The following KCNAB1 variants were observed in gnomAD, a reference collection of about 807,000 sequenced individuals.
KCNAB1 encodes the protein voltage-gated potassium channel subunit beta-1.
Under a neutral mutation model 64.6 loss-of-function variants are expected in KCNAB1, and 35 were observed. The observed-to-expected ratio is 0.54, with a 90% confidence interval of 0.41 to 0.72. The LOEUF is 0.72. KCNAB1 is among the 30% of genes least tolerant of loss of function. The pLI is 0.00. For missense variants in KCNAB1, 401 were observed against 512.9 expected (o/e 0.78, Z 2.11); for synonymous variants, 177 against 183.8 (o/e 0.96, Z 0.30).
At chr3:156,474,921 C>A in intron 8 of KCNAB1, 101 bp downstream of exon 8, 1 of 952,478 alleles carries the variant, frequency 1.0e-6, no homozygotes. Context: ...ACTGATCAAA[C>A]TGAATGTGAA....
intron 3 of KCNAB1, among the ~76,000 whole-genome samples, chr3:156,456,601 G>T (rs1480100657): frequency 6.6e-6 from 1 of 152,104 alleles, no homozygotes; most frequent in Non-Finnish European, 1.5e-5. Flanking sequence ...AGTTTATTTT[G>T]GAAATGCGGA....
At chr3:156,226,303 A>C (rs1432793222) in intron 1 of KCNAB1, among the ~76,000 whole-genome samples, 1 of 152,136 alleles carries the variant, frequency 6.6e-6, no homozygotes, top group Non-Finnish European at 1.5e-5. Context: ...TAAAAACATA[A>C]AGTGGAGAAA....
chr3:156,217,779 C>G (rs1333065294), intron 1 of KCNAB1, among the ~76,000 whole-genome samples: 1 of 152,130 alleles, frequency 6.6e-6, no homozygotes, highest in Non-Finnish European at 1.5e-5. Flanking sequence ...TCATAATGTC[C>G]CATTTACAAC....
At chr3:156,386,828 A>G (rs1712631188) in intron 1 of KCNAB1, among the ~76,000 whole-genome samples, 1 of 152,148 alleles carries the variant, frequency 6.6e-6, no homozygotes, top group African/African-American at 2.4e-5. Flanking sequence ...GTGACCACCA[A>G]CAGTCTTGGA....
intron 1 of KCNAB1, among the ~76,000 whole-genome samples, chr3:156,144,745 C>T (rs746141102): frequency 1.3e-5 from 2 of 152,174 alleles, no homozygotes; most frequent in Non-Finnish European, 2.9e-5. Flanking sequence ...GACCATTTCA[C>T]TTTTAAAAAA....
chr3:156,147,633 G>T (rs1231549942), intron 1 of KCNAB1, among the ~76,000 whole-genome samples: 2 of 152,046 alleles, frequency 1.3e-5, no homozygotes, highest in Non-Finnish European at 2.9e-5. Flanking sequence ...GCCAATCAAG[G>T]ATAAAATTTT....
chr3:156,382,644 C>T (rs1473913547), intron 1 of KCNAB1, among the ~76,000 whole-genome samples: 1 of 152,124 alleles, frequency 6.6e-6, no homozygotes, highest in Non-Finnish European at 1.5e-5. Flanking sequence ...TTTTGTGGCC[C>T]CCTTGTGGTG....
At chr3:156,507,691 A>G (rs1354697008) in intron 8 of KCNAB1, among the ~76,000 whole-genome samples, 2 of 152,242 alleles carry the variant, frequency 1.3e-5, no homozygotes, top group Admixed American at 1.3e-4. Context: ...GATAAATCAC[A>G]AACAGCTGAC....
intron 5 of KCNAB1, among the ~76,000 whole-genome samples, chr3:156,462,476 A>T (rs1378312939): frequency 6.6e-6 from 1 of 152,230 alleles, no homozygotes; most frequent in Admixed American, 6.5e-5. Context: ...TAACCTGGAA[A>T]GTACATCAGC....
At chr3:156,224,926 T>G (rs1467015710) in intron 1 of KCNAB1, among the ~76,000 whole-genome samples, 1 of 152,140 alleles carries the variant, frequency 6.6e-6, no homozygotes, top group African/African-American at 2.4e-5. Context: ...AAATGGTAAT[T>G]TAACAATTGT....
chr3:156,451,370 T>C (rs890384151), intron 2 of KCNAB1, among the ~76,000 whole-genome samples: 3 of 152,340 alleles, frequency 2.0e-5, no homozygotes, highest in East Asian at 3.9e-4. Flanking sequence ...TGTATTCCTA[T>C]GGAATATGAA....
intron 1 of KCNAB1, among the ~76,000 whole-genome samples, chr3:156,405,747 A>G (rs1354224362): frequency 1.3e-5 from 2 of 152,214 alleles, no homozygotes; most frequent in Admixed American, 1.3e-4. Flanking sequence ...TACTCTTTTA[A>G]ACGTAATTTC....
chr3:156,437,611 ATAT>A (rs1488332840), intron 2 of KCNAB1, among the ~76,000 whole-genome samples: 2 of 152,102 alleles, frequency 1.3e-5, no homozygotes, highest in African/African-American at 2.4e-5. Flanking sequence ...GAGACTGCTG[ATAT>A]TATTTTTTTT....
intron 13 of KCNAB1, among the ~76,000 whole-genome samples, chr3:156,534,314 G>T (rs1718900989): frequency 1.3e-5 from 2 of 152,180 alleles, no homozygotes; most frequent in African/African-American, 4.8e-5. Flanking sequence ...CAGGAACGAA[G>T]GGGCGTATAT....
intron 2 of KCNAB1, among the ~76,000 whole-genome samples, chr3:156,425,834 G>A (rs566720223): frequency 2.8e-4 from 42 of 152,292 alleles, no homozygotes; most frequent in African/African-American, 9.1e-4. Flanking sequence ...CAAGTGAAGC[G>A]TGAAGAAGGT....
Position 156,536,856 on chromosome 3 carries a change from C to T in KCNAB1, c.*109C>T, listed in dbSNP as rs1393437926. 1.5e-5 allele frequency: 11 copies of T among 740,758 alleles called. No individual in the cohort carries two copies. The Middle Eastern group carries it at 7.1e-4, about 48-fold the overall frequency. 45.9% of individuals were successfully genotyped at this position (740,758 alleles called of 1,614,324 possible). Reference sequence around the variant, plus strand: ...AATCACTTAGCAGCTTGCTGCTCAACCTCTAGTGTCCCTCCCTGGATTCTT... The same window carrying T: ...AATCACTTAGCAGCTTGCTGCTCAATCTCTAGTGTCCCTCCCTGGATTCTT... On this transcript the variant is annotated 3_prime_UTR_variant, in exon 14 of 14. Transcript: ENST00000490337.
chr3:156,171,582 G>A (rs1302737125), intron 1 of KCNAB1, among the ~76,000 whole-genome samples: 1 of 152,154 alleles, frequency 6.6e-6, no homozygotes, highest in African/African-American at 2.4e-5. Context: ...TGTGAAATAT[G>A]TCTTCTCTGA....
At chr3:156,205,852 G>C (rs1301763583) in intron 1 of KCNAB1, among the ~76,000 whole-genome samples, 1 of 152,198 alleles carries the variant, frequency 6.6e-6, no homozygotes, top group Non-Finnish European at 1.5e-5. Flanking sequence ...ATTGCAAAAA[G>C]TGGTCTCAAT....
chr3:156,428,533 A>ACACACACACACACACC (rs59772816), intron 2 of KCNAB1, among the ~76,000 whole-genome samples: 387 of 143,122 alleles, frequency 2.7e-3, no homozygotes, highest in African/African-American at 4.7e-3. Context: ...ACACACACAC[A>ACACACACACACACACC]CCCTATTGGT....
Sources: gnomAD v4.1 joint callset for allele counts (sites outside exome capture counted in the v4.1 genomes callset) on GRCh38, gnomAD v4.1.1 for gene constraint, MANE v1.5 for transcripts, NCBI Gene and HGNC (gene_info 2026-07-23, HGNC 2026-07-21) for gene names.